The following CNTN6 variants were observed in gnomAD, a reference collection of about 807,000 sequenced individuals.
The protein encoded by CNTN6 is contactin 6, also known as contactin-6.
CNTN6 carries 137 observed loss-of-function variants against 122.8 expected under a neutral mutation model. That is an observed-to-expected ratio of 1.12 (90% CI 0.97 to 1.29). The LOEUF (loss-of-function observed/expected upper bound fraction) is 1.29. Among genes scored for constraint, CNTN6 ranks in the 50% most tolerant of loss-of-function variants. The pLI, the probability that CNTN6 is intolerant of heterozygous loss-of-function variation, is 0.00. For missense variants in CNTN6, 1,634 were observed against 1,223.4 expected (o/e 1.34, Z -5.01); for synonymous variants, 570 against 426.0 (o/e 1.34, Z -4.16).
At chr3:1,127,860 G>T (rs1208349468) in intron 1 of CNTN6, among the ~76,000 whole-genome samples, 2 of 151,604 alleles carry the variant, frequency 1.3e-5, no homozygotes, top group African/African-American at 4.8e-5. Flanking sequence ...TTTCAATTTT[G>T]TGTGTGTGTA....
At chr3:1,306,436 A>T (rs946269052) in intron 7 of CNTN6, among the ~76,000 whole-genome samples, 1 of 152,192 alleles carries the variant, frequency 6.6e-6, no homozygotes, top group Non-Finnish European at 1.5e-5. Context: ...GAAAGATAAC[A>T]TTAAACCCAC....
At chr3:1,388,956 T>C (rs1189044415) in intron 20 of CNTN6, among the ~76,000 whole-genome samples, 7 of 140,906 alleles carry the variant, frequency 5.0e-5, no homozygotes, top group African/African-American at 8.0e-5. Context: ...CTGAAAGTGA[T>C]GGGGAGAATG....
At chr3:1,108,993 T>G (rs1455604698) in intron 1 of CNTN6, among the ~76,000 whole-genome samples, 1 of 152,044 alleles carries the variant, frequency 6.6e-6, no homozygotes, top group Non-Finnish European at 1.5e-5. Context: ...AAGTCCTGAT[T>G]GTTTATGTGT....
At chr3:1,198,550 C>T (rs867102978) in intron 2 of CNTN6, among the ~76,000 whole-genome samples, 5 of 151,936 alleles carry the variant, frequency 3.3e-5, no homozygotes, top group African/African-American at 4.8e-5. Flanking sequence ...TGGTGAAACC[C>T]GATCTCTACT....
chr3:1,103,118 T>TA (rs761299356), intron 1 of CNTN6, among the ~76,000 whole-genome samples: 19 of 148,030 alleles, frequency 1.3e-4, no homozygotes, highest in African/African-American at 2.5e-4. Flanking sequence ...AAAATAAAAA[T>TA]AAAAAAAAAA....
At chr3:1,237,033 A>T (rs1297435232) in intron 4 of CNTN6, among the ~76,000 whole-genome samples, 2 of 152,044 alleles carry the variant, frequency 1.3e-5, no homozygotes, top group Non-Finnish European at 2.9e-5. Flanking sequence ...GTGAGCTGTG[A>T]TCACGCCACT....
chr3:1,229,609 CATT>C (rs896625990), intron 4 of CNTN6, among the ~76,000 whole-genome samples: 16 of 152,148 alleles, frequency 1.1e-4, no homozygotes, highest in Non-Finnish European at 2.1e-4. Context: ...AAATGTCCTA[CATT>C]ATTATATCAT....
chr3:1,268,069 T>C (rs185142208), intron 4 of CNTN6, among the ~76,000 whole-genome samples: 1 of 152,314 alleles, frequency 6.6e-6, no homozygotes, highest in Admixed American at 6.5e-5. Context: ...CTTTAGAGAT[T>C]ATTGACTACA....
Position 1,096,318 on chromosome 3 carries a change from C to T in CNTN6, c.-83+3198C>T, listed in dbSNP as rs192599895. On this transcript the variant is annotated intron_variant, in intron 1 of 22. Coordinates refer to ENST00000446702, the MANE Select transcript of CNTN6 (RefSeq NM_001289080.2). ...TTACAGAATATTCCTGGATTTGTTC[C>T]ATTTTCATTAACTTTTTTTGAGGTT... 1.4e-3 allele frequency among the ~76,000 whole-genome samples: 219 copies of T among 151,770 alleles called. 1 individual carries two copies. The highest frequency in any genetic ancestry group is 6.0e-3 in the South Asian group (29 of 4,818).
chr3:1,168,271 A>G (rs915507052), intron 2 of CNTN6, among the ~76,000 whole-genome samples: 4 of 151,618 alleles, frequency 2.6e-5, no homozygotes, highest in African/African-American at 7.3e-5. Context: ...TCAGAAAAAA[A>G]TATGAATGAA....
At chr3:1,270,151 T>C (rs2094999438) in intron 4 of CNTN6, among the ~76,000 whole-genome samples, 1 of 152,156 alleles carries the variant, frequency 6.6e-6, no homozygotes, top group South Asian at 2.1e-4. Flanking sequence ...GTATATAGCA[T>C]CCAGAAAACG....
intron 12 of CNTN6, among the ~76,000 whole-genome samples, chr3:1,354,890 G>A (rs921222678): frequency 6.6e-6 from 1 of 151,388 alleles, no homozygotes; most frequent in Non-Finnish European, 1.5e-5. Flanking sequence ...TTTTATTTCT[G>A]ACAGACATCG....
intron 1 of CNTN6, among the ~76,000 whole-genome samples, chr3:1,099,368 G>C (rs772670685): frequency 6.6e-6 from 1 of 151,834 alleles, no homozygotes. Context: ...GGAGAATGGC[G>C]GGAACCCGGG....
Position 1,397,873 on chromosome 3 carries a change from T to A in CNTN6, c.2705-3560T>A, listed in dbSNP as rs529344058. 1.6e-4 allele frequency among the ~76,000 whole-genome samples: 24 copies of A among 152,286 alleles called. No individual in the cohort carries two copies. The South Asian group carries it at 5.0e-3, about 32-fold the overall frequency. On this transcript the variant is annotated intron_variant, in intron 20 of 22. Transcript: ENST00000446702. ...TGCCCAAATGTCAACCCCATGCTGTTACTTAGAGGTGTAACATAAGAAGTT... is the reference window on the plus strand; with the variant it reads ...TGCCCAAATGTCAACCCCATGCTGTAACTTAGAGGTGTAACATAAGAAGTT...
chr3:1,319,855 A>AAATAT (rs1416028732), intron 7 of CNTN6, among the ~76,000 whole-genome samples: 1 of 150,492 alleles, frequency 6.6e-6, no homozygotes, highest in Non-Finnish European at 1.5e-5. Flanking sequence ...AAATAAAATA[A>AAATAT]AATAAAATAA....
At chr3:1,158,763 T>A (rs371344374) in intron 2 of CNTN6, among the ~76,000 whole-genome samples, 1 of 92,698 alleles carries the variant, frequency 1.1e-5, no homozygotes, top group Non-Finnish European at 2.3e-5. Context: ...TACATATATA[T>A]ACACACATAT....
At chr3:1,111,024 G>C (rs1430110271) in intron 1 of CNTN6, among the ~76,000 whole-genome samples, 1 of 152,150 alleles carries the variant, frequency 6.6e-6, no homozygotes, top group Non-Finnish European at 1.5e-5. Flanking sequence ...TTTCCTATGT[G>C]TAAAATTGAG....
intron 7 of CNTN6, among the ~76,000 whole-genome samples, chr3:1,306,857 C>T (rs1331489337): frequency 6.6e-6 from 1 of 152,128 alleles, no homozygotes; most frequent in East Asian, 1.9e-4. Flanking sequence ...TGTTAAGGGA[C>T]TTCCCCAGAA....
intron 7 of CNTN6, among the ~76,000 whole-genome samples, chr3:1,305,200 C>A (rs1339925717): frequency 6.6e-6 from 1 of 152,056 alleles, no homozygotes; most frequent in East Asian, 1.9e-4. Flanking sequence ...TCACGGATAC[C>A]ATCATGCAGA....
Sources: allele counts gnomAD v4.1 joint callset (sites outside exome capture counted in the v4.1 genomes callset), GRCh38; gene constraint gnomAD v4.1.1; transcripts MANE v1.5; gene names NCBI Gene and HGNC (gene_info 2026-07-23, HGNC 2026-07-21).